The following NKAIN3 variants were observed in gnomAD, a reference collection of about 807,000 sequenced individuals.
NKAIN3 encodes the protein sodium/potassium transporting ATPase interacting 3.
A neutral mutation model predicts 30.2 loss-of-function variants in NKAIN3; 25 were observed. The ratio of observed to expected loss-of-function variants is 0.83; its 90% CI spans 0.60 to 1.16. The LOEUF is 1.16. NKAIN3 is among the 50% of genes most tolerant of loss of function. The pLI is 0.00. For missense variants in NKAIN3, 225 were observed against 254.1 expected (o/e 0.89, Z 0.78); for synonymous variants, 91 against 89.6 (o/e 1.02, Z -0.09).
chr8:62,968,666 C>A lies in NKAIN3; in HGVS notation c.*3259C>A, dbSNP rs1823766983. 6.6e-6 allele frequency among the ~76,000 whole-genome samples: 1 copy of A among 152,148 alleles called. No individual in the cohort carries two copies. Among genetic ancestry groups the A allele is most frequent in the Non-Finnish European group, 1.5e-5 (1 of 68,030 alleles). On this transcript the variant is annotated 3_prime_UTR_variant, in exon 7 of 7. Coordinates refer to ENST00000623646, the MANE Select transcript of NKAIN3 (RefSeq NM_001304533.3). ...GACTGGAATGGTGAACATTTAAAGC[C>A]AGTGTTTTTCCTCTTGGAGCCACCT...
intron 4 of NKAIN3, among the ~76,000 whole-genome samples, chr8:62,753,753 C>A (rs945114117): frequency 6.6e-6 from 1 of 151,972 alleles, no homozygotes; most frequent in African/African-American, 2.4e-5. Flanking sequence ...TCTTGTAACC[C>A]CACTCAATGG....
chr8:62,402,195 C>A (rs921394031), intron 1 of NKAIN3, among the ~76,000 whole-genome samples: 1 of 152,180 alleles, frequency 6.6e-6, no homozygotes, highest in Non-Finnish European at 1.5e-5. Flanking sequence ...TCCCCATGGT[C>A]ACCACCACCC....
chr8:62,812,841 T>G (rs1166049163), intron 4 of NKAIN3, among the ~76,000 whole-genome samples: 1 of 151,952 alleles, frequency 6.6e-6, no homozygotes, highest in African/African-American at 2.4e-5. Context: ...TTAGAGTTTT[T>G]GTTCTACCTG....
chr8:62,992,702 A>G (rs16930051), intron 5 of NKAIN3, among the ~76,000 whole-genome samples: 27,635 of 151,800 alleles, frequency 0.18, 2,697 homozygotes, highest in East Asian at 0.38. Flanking sequence ...TCCAAGGGCT[A>G]GAGGCCACCA....
At chr8:62,535,533 C>T (rs1808631647) in intron 1 of NKAIN3, among the ~76,000 whole-genome samples, 5 of 152,284 alleles carry the variant, frequency 3.3e-5, no homozygotes, top group Admixed American at 3.3e-4. Context: ...TTCCCATGAT[C>T]CTTTCTTTAG....
chr8:62,705,646 A>T (rs968357648), intron 3 of NKAIN3, among the ~76,000 whole-genome samples: 12 of 151,892 alleles, frequency 7.9e-5, no homozygotes, highest in African/African-American at 2.9e-4. Context: ...TCTACTTTCT[A>T]TTTGTTAATT....
intron 4 of NKAIN3, chr8:62,856,058 C>T (rs1820050832): frequency 1.4e-6 from 1 of 698,116 alleles, no homozygotes; most frequent in East Asian, 2.5e-5. Context: ...TTACCAAGGG[C>T]TTACACCCCA....
chr8:62,950,944 CTTTTTT>C (rs71559384), intron 5 of NKAIN3, among the ~76,000 whole-genome samples: 2 of 100,664 alleles, frequency 2.0e-5, no homozygotes, highest in Admixed American at 1.2e-4. Context: ...AAACAGAATC[CTTTTTT>C]TTTTTTTTTT....
intron 3 of NKAIN3, among the ~76,000 whole-genome samples, chr8:62,674,884 G>T (rs181160445): frequency 6.6e-6 from 1 of 152,178 alleles, no homozygotes; most frequent in African/African-American, 2.4e-5. Context: ...AAACCGCCAC[G>T]TAAGGATAAT....
chr8:62,705,643 T>C (rs941201149), intron 3 of NKAIN3, among the ~76,000 whole-genome samples: 2 of 152,176 alleles, frequency 1.3e-5, no homozygotes, highest in Admixed American at 6.6e-5. Flanking sequence ...TTTTCTACTT[T>C]CTATTTGTTA....
intron 1 of NKAIN3, among the ~76,000 whole-genome samples, chr8:62,489,112 G>C (rs1201457102): frequency 1.3e-4 from 20 of 151,840 alleles, no homozygotes; most frequent in Non-Finnish European, 2.6e-4. Flanking sequence ...TGCCTCCTGG[G>C]TTCATGCCAT....
At chr8:62,700,844 A>C (rs1814310505) in intron 3 of NKAIN3, among the ~76,000 whole-genome samples, 1 of 152,290 alleles carries the variant, frequency 6.6e-6, no homozygotes, top group African/African-American at 2.4e-5. Flanking sequence ...ATCAGACCAT[A>C]TTTTCTAAGC....
At chr8:62,666,586 T>C (rs1403973087) in intron 3 of NKAIN3, among the ~76,000 whole-genome samples, 1 of 152,196 alleles carries the variant, frequency 6.6e-6, no homozygotes, top group Non-Finnish European at 1.5e-5. Context: ...TTATACTAAA[T>C]AATTTCTCAT....
intron 1 of NKAIN3, among the ~76,000 whole-genome samples, chr8:62,545,262 C>T (rs976236785): frequency 2.6e-5 from 4 of 152,182 alleles, no homozygotes; most frequent in Admixed American, 2.0e-4. Context: ...TATTCCACAA[C>T]TTGCCTTTTA....
chr8:62,586,151 C>T (rs1810465626), intron 2 of NKAIN3, among the ~76,000 whole-genome samples: 1 of 152,118 alleles, frequency 6.6e-6, no homozygotes, highest in Admixed American at 6.6e-5. Flanking sequence ...TGCTCATGTG[C>T]AAAGGACAAT....
At chr8:62,804,969 A>C (rs147613658) in intron 4 of NKAIN3, among the ~76,000 whole-genome samples, 133,845 of 152,184 alleles carry the variant, frequency 0.88, 58,985 homozygotes, top group Admixed American at 0.9. Context: ...GATACAAAAT[A>C]AATGTACAAA....
At chr8:62,622,029 T>C (rs1354146207) in intron 3 of NKAIN3, among the ~76,000 whole-genome samples, 1 of 152,030 alleles carries the variant, frequency 6.6e-6, no homozygotes, top group Non-Finnish European at 1.5e-5. Flanking sequence ...TTCAAGAATG[T>C]TATAGAAATG....
At chr8:62,741,420 A>AAGGCAGGC (rs142133652) in intron 3 of NKAIN3, among the ~76,000 whole-genome samples, 20 of 136,358 alleles carry the variant, frequency 1.5e-4, no homozygotes, top group African/African-American at 5.8e-4. Context: ...GGAAGGAAGG[A>AAGGCAGGC]AGGCAGGCAA....
At chr8:62,684,889 G>C (rs1813749284) in intron 3 of NKAIN3, among the ~76,000 whole-genome samples, 1 of 152,146 alleles carries the variant, frequency 6.6e-6, no homozygotes, top group Non-Finnish European at 1.5e-5. Flanking sequence ...GAGTTCCTCA[G>C]AAGAAACTAG....
Sources: gnomAD v4.1 joint callset for allele counts (sites outside exome capture counted in the v4.1 genomes callset) on GRCh38, gnomAD v4.1.1 for gene constraint, MANE v1.5 for transcripts, NCBI Gene and HGNC (gene_info 2026-07-23, HGNC 2026-07-21) for gene names.